Variants in INPP4B observed in about 807,000 individuals in gnomAD.
INPP4B encodes inositol polyphosphate-4-phosphatase type II B.
In INPP4B, 55 loss-of-function variants were observed where a neutral mutation model predicts 122.5. The ratio of observed to expected loss-of-function variants is 0.45; its 90% confidence interval spans 0.36 to 0.56. The LOEUF (loss-of-function observed/expected upper bound fraction) is 0.56, where lower values mean the gene tolerates loss of function less well. Among genes scored for constraint, INPP4B ranks in the 20% least tolerant of loss-of-function variants. The pLI is 0.00. For missense variants in INPP4B, 1,000 were observed against 1,097.7 expected, an observed-to-expected ratio of 0.91 and a Z score of 1.26; for synonymous variants, 403 against 388.7, an observed-to-expected ratio of 1.04 and a Z score of -0.43.
intron 12 of INPP4B, among the ~76,000 whole-genome samples, chr4:142,235,885 C>T (rs892080167): frequency 6.6e-6 from 1 of 152,148 alleles, no homozygotes; most frequent in Admixed American, 6.5e-5. Flanking sequence ...ATATTCATCA[C>T]CTCAAAAATT....
chr4:142,337,288 A>G (rs549339459), intron 7 of INPP4B, among the ~76,000 whole-genome samples: 1 of 152,024 alleles, frequency 6.6e-6, no homozygotes, highest in Non-Finnish European at 1.5e-5. Context: ...TTGCATGTGT[A>G]TCTGGAGACC....
At chr4:142,413,145 T>A (rs1214813397) in intron 5 of INPP4B, among the ~76,000 whole-genome samples, 2 of 152,182 alleles carry the variant, frequency 1.3e-5, no homozygotes, top group Non-Finnish European at 2.9e-5. Flanking sequence ...AAAGTTGGCA[T>A]TAAAAAATTA....
chr4:142,691,793 A>T (rs1760221583), intron 2 of INPP4B, among the ~76,000 whole-genome samples: 1 of 151,616 alleles, frequency 6.6e-6, no homozygotes, highest in African/African-American at 2.4e-5. Flanking sequence ...AGCTATAAAA[A>T]CTCTGCATCA....
At chr4:142,232,206 T>A (rs1004284059) in intron 12 of INPP4B, among the ~76,000 whole-genome samples, 7 of 152,204 alleles carry the variant, frequency 4.6e-5, no homozygotes, top group African/African-American at 1.4e-4. Flanking sequence ...ATTTTACATA[T>A]ATATTTATTG....
intron 2 of INPP4B, among the ~76,000 whole-genome samples, chr4:142,581,848 G>A (rs1382968388): frequency 2.0e-5 from 3 of 151,932 alleles, no homozygotes; most frequent in Non-Finnish European, 2.9e-5. Flanking sequence ...ATTCACAGGG[G>A]CAGGGAATGG....
intron 2 of INPP4B, among the ~76,000 whole-genome samples, chr4:142,499,299 A>G (rs866828962): frequency 6.6e-6 from 1 of 152,164 alleles, no homozygotes; most frequent in Non-Finnish European, 1.5e-5. Flanking sequence ...GAGAAAAAAA[A>G]TATGTAATTA....
chr4:142,528,830 T>G (rs1197832636), intron 2 of INPP4B, among the ~76,000 whole-genome samples: 1 of 152,156 alleles, frequency 6.6e-6, no homozygotes, highest in African/African-American at 2.4e-5. Context: ...CAGGCTTGGG[T>G]ATTTGCAGAT....
intron 5 of INPP4B, among the ~76,000 whole-genome samples, chr4:142,413,274 T>C (rs1463521959): frequency 6.6e-6 from 1 of 152,064 alleles, no homozygotes; most frequent in Non-Finnish European, 1.5e-5. Context: ...AATACGCATA[T>C]AAGGGAAAAT....
chr4:142,778,908 G>A (rs889962765), intron 1 of INPP4B, among the ~76,000 whole-genome samples: 1 of 152,034 alleles, frequency 6.6e-6, no homozygotes, highest in Non-Finnish European at 1.5e-5. Flanking sequence ...TAGGATGTGA[G>A]ATTGGTTCAT....
chr4:142,087,465 G>A (rs1342073723), intron 23 of INPP4B, among the ~76,000 whole-genome samples: 1 of 152,138 alleles, frequency 6.6e-6, no homozygotes, highest in Admixed American at 6.6e-5. Flanking sequence ...CAATATTATA[G>A]TGATAGAAAC....
intron 21 of INPP4B, among the ~76,000 whole-genome samples, chr4:142,114,320 G>A (rs890131158): frequency 6.6e-6 from 1 of 151,910 alleles, no homozygotes; most frequent in African/African-American, 2.4e-5. Context: ...TCTCTTGGGG[G>A]TAAGTCTAAA....
chr4:142,607,491 G>A (rs1435977731), intron 2 of INPP4B, among the ~76,000 whole-genome samples: 2 of 152,038 alleles, frequency 1.3e-5, no homozygotes, highest in Non-Finnish European at 2.9e-5. Flanking sequence ...CATAAAGCTT[G>A]ATACCATCGT....
At chr4:142,423,615 T>A (rs1427576512) in intron 5 of INPP4B, 1 of 220,952 alleles carries the variant, frequency 4.5e-6, no homozygotes, top group African/African-American at 2.4e-5. Context: ...CCTAAGGACC[T>A]CTTGTCATTG....
intron 1 of INPP4B, among the ~76,000 whole-genome samples, chr4:142,739,105 T>C (rs1322484469): frequency 1.3e-5 from 2 of 151,934 alleles, no homozygotes; most frequent in South Asian, 2.1e-4. Context: ...AAGAGAAATA[T>C]CCCTTTGAAA....
intron 2 of INPP4B, among the ~76,000 whole-genome samples, chr4:142,527,339 C>T (rs981490812): frequency 2.0e-5 from 3 of 151,676 alleles, no homozygotes; most frequent in Non-Finnish European, 4.4e-5. Flanking sequence ...AAATAAAAAT[C>T]AAACACATAT....
chr4:142,236,126 GTCTT>G (rs1856611549), intron 12 of INPP4B, among the ~76,000 whole-genome samples: 1 of 152,176 alleles, frequency 6.6e-6, no homozygotes, highest in Non-Finnish European at 1.5e-5. Context: ...TCTACTGAGA[GTCTT>G]TCCTTATTCT....
intron 25 of INPP4B, among the ~76,000 whole-genome samples, chr4:142,057,992 G>A (rs190631282): frequency 3.9e-5 from 6 of 151,948 alleles, no homozygotes; most frequent in Non-Finnish European, 5.9e-5. Context: ...TTGCATTTTC[G>A]CCATTTTGTA....
chr4:142,357,422 T>C (rs1251124995), intron 7 of INPP4B, among the ~76,000 whole-genome samples: 5 of 152,008 alleles, frequency 3.3e-5, no homozygotes. Context: ...AACCCACACA[T>C]CTGGTCACAG....
chr4:142,759,259 C>T (rs1456593425), intron 1 of INPP4B, among the ~76,000 whole-genome samples: 1 of 152,080 alleles, frequency 6.6e-6, no homozygotes, highest in Admixed American at 6.6e-5. Flanking sequence ...AAACACTAAA[C>T]CCCTGTTTTG....
Sources: allele counts gnomAD v4.1 joint callset (sites outside exome capture counted in the v4.1 genomes callset), GRCh38; gene constraint gnomAD v4.1.1; transcripts MANE v1.5; gene names NCBI Gene and HGNC (gene_info 2026-07-23, HGNC 2026-07-21).